Variants in MYH3 observed in about 807,000 individuals in gnomAD.
MYH3 encodes myosin-3.
MYH3 carries 130 observed loss-of-function variants against 238.0 expected under a neutral mutation model. That is an observed-to-expected ratio of 0.55 (90% confidence interval 0.47 to 0.63). The LOEUF (loss-of-function observed/expected upper bound fraction) is 0.63, where lower values mean the gene tolerates loss of function less well. Ranked by LOEUF, MYH3 falls within the 30% of genes least tolerant of loss-of-function variation. The pLI is 0.00. For synonymous variants in MYH3, 880 were observed against 924.1 expected, an observed-to-expected ratio of 0.95 and a Z score of 0.86; for missense variants, 1,853 against 2,374.9, an observed-to-expected ratio of 0.78 and a Z score of 4.57.
In MYH3 at chr17:10,639,370, G is replaced by T; in HGVS notation, c.3030C>A (p.Asp1010Glu). The T allele has an allele frequency of 6.2e-7, 1 of 1,614,080 alleles. No homozygotes were observed. ...LQEAHQQALD[D>E]LQAEEDKVNS... Reference sequence around the variant, plus strand: ...TGACTTTGTCTTCTTCAGCTTGGAGGTCATCCAAGGCCTGCTGGTGCGCCT... The same window carrying T: ...TGACTTTGTCTTCTTCAGCTTGGAGTTCATCCAAGGCCTGCTGGTGCGCCT... Residue 1010 changes from aspartate to glutamate, a missense_variant, in exon 24 of 41, where the codon GAC (aspartate) becomes GAA (glutamate). Asp to Glu is a conservative substitution (Grantham distance 45). Coordinates refer to ENST00000583535, the MANE Select transcript of MYH3 (RefSeq NM_002470.4).
chr17:10,652,175 C>T (rs1014820651), intron 4 of MYH3: 8 of 575,220 alleles, frequency 1.4e-5, no homozygotes, highest in East Asian at 1.0e-4. Flanking sequence ...CACAGCACCC[C>T]GTGACCAAGC....
intron 40 of MYH3, 151 bp from the exon 41 acceptor site, chr17:10,628,830 T>A: frequency 2.4e-6 from 2 of 821,576 alleles, no homozygotes; most frequent in African/African-American, 3.4e-5. Flanking sequence ...ATTGCACACA[T>A]GAAGTCACCC....
the MYH3 span, among the ~76,000 whole-genome samples, chr17:10,666,835 C>T: frequency 6.6e-6 from 1 of 152,182 alleles, no homozygotes; most frequent in Middle Eastern, 3.4e-3. Context: ...GGGCCAACTT[C>T]CTTAATGCAT....
intron 5 of MYH3, 57 bp downstream of exon 5, chr17:10,651,455 C>T (rs764568737): frequency 1.5e-5 from 24 of 1,611,224 alleles, no homozygotes; most frequent in South Asian, 8.8e-5. Context: ...GGGCAACTGC[C>T]GCTCGCCTCA....
chr17:10,672,844 T>A, the MYH3 span: 495 of 152,334 alleles, frequency 3.2e-3, no homozygotes, highest in African/African-American at 0.011. Context: ...GTGGTTATTG[T>A]GAATTTAGTA....
the MYH3 span, among the ~76,000 whole-genome samples, chr17:10,666,920 TAAAC>T: frequency 2.6e-5 from 4 of 152,018 alleles, no homozygotes; most frequent in South Asian, 2.1e-4. Flanking sequence ...AAATGGCAAA[TAAAC>T]AAGCAGACGG....
At chr17:10,657,644 C>T (rs756536872), upstream of MYH3, among the ~76,000 whole-genome samples, 18 of 152,292 alleles carry the variant, frequency 1.2e-4, no homozygotes, top group African/African-American at 2.2e-4. Flanking sequence ...CTGAACGCGG[C>T]GTGAGCCCCT....
At position 10,628,574 on chromosome 17, in the gene MYH3, T is replaced by G; in HGVS notation, c.*79A>C. ...TTATTGCATGTGAAAAAGAGTCACA[T>G]GGACATTAAGTATCAATGGTCAGGA... On this transcript the variant is annotated 3_prime_UTR_variant, in exon 41 of 41. Transcript: ENST00000583535. 6.7e-7 allele frequency: 1 copy of G among 1,489,494 alleles called. No individual in the cohort carries two copies. 92.3% of individuals were successfully genotyped at this position (1,489,494 alleles called of 1,614,324 possible).
chr17:10,641,144 G>A lies in MYH3; in HGVS notation c.2106C>T (p.Gly702=), dbSNP rs56259391. 66,975 of 1,613,832 alleles carry A rather than the reference G, an allele frequency of 0.042. 1,896 individuals carry two copies. Among genetic ancestry groups the A allele is most frequent in the African/African-American group, 0.13 (9,689 of 74,980 alleles). Residue 702 remains glycine, a synonymous_variant, in exon 19 of 41, where the codon GGC becomes GGT. Transcript: ENST00000583535. The part of the protein sequence containing the change: ...HQLRCNGVLE[G]IRICRKGFPN... ...GGAACCCTTTCCTGCAGATGCGGAT[G>A]CCCTCCAGGACACCGTTACACCGCA...
the MYH3 span, among the ~76,000 whole-genome samples, chr17:10,669,501 A>T: frequency 6.8e-6 from 1 of 147,766 alleles, no homozygotes; most frequent in Non-Finnish European, 1.5e-5. Flanking sequence ...TGGGAGATGG[A>T]GGTTGTACTG....
rs1226789991 is a variant in MYH3, at chr17:10,654,658, A to G, written c.204+203T>C. ...AATTGTTTTAATCAGCCACAGCCAG[A>G]CTCTATTCCCACCCTGGAACCTGAG... is the stretch of plus-strand genomic sequence containing the variant. On this transcript the variant is annotated intron_variant, in intron 3 of 40. Transcript: ENST00000583535. This position sits in a 1 kb window ranked among gnomAD's most constrained non-coding sequence, Gnocchi z 4.5. 6.6e-6 allele frequency among the ~76,000 whole-genome samples: 1 copy of G among 152,006 alleles called. No homozygotes were observed. The highest frequency in any genetic ancestry group is 1.5e-5 in the Non-Finnish European group (1 of 67,998).
At chr17:10,643,020 T>C (rs765539288) in intron 14 of MYH3, 24 bp from the exon 15 acceptor site, 12 of 1,614,156 alleles carry the variant, frequency 7.4e-6, no homozygotes, top group South Asian at 5.5e-5. Context: ...ACAACATTCA[T>C]GTGAAAAGTT....
the MYH3 span, among the ~76,000 whole-genome samples, chr17:10,670,123 C>G: frequency 6.6e-6 from 1 of 152,084 alleles, no homozygotes; most frequent in Non-Finnish European, 1.5e-5. This position sits in a 1 kb window ranked among gnomAD's most constrained non-coding sequence, Gnocchi z 7.0. Context: ...AGTACATTAC[C>G]AACAACATTT....
chr17:10,630,897 A>T (rs2074150021), intron 36 of MYH3, among the ~76,000 whole-genome samples: 1 of 151,992 alleles, frequency 6.6e-6, no homozygotes, highest in African/African-American at 2.4e-5. Flanking sequence ...AACGGGTGAG[A>T]CTGTGATGAA....
At chr17:10,631,203 A>G (rs201595) in intron 36 of MYH3, among the ~76,000 whole-genome samples, 138,921 of 152,318 alleles carry the variant, frequency 0.91, 63,398 homozygotes, top group East Asian at 1. Context: ...TACAGGAACA[A>G]CAAAATCGCT....
chr17:10,647,573 T>A, intron 8 of MYH3, 147 bp from the exon 9 acceptor site: 1 of 863,914 alleles, frequency 1.2e-6, no homozygotes, highest in Non-Finnish European at 1.8e-6. Flanking sequence ...TGAGACGGAG[T>A]CTCGCTCTGT....
Position 10,641,035 on chromosome 17 carries a change from A to C in MYH3, c.2165+50T>G, listed in dbSNP as rs375940050. 3 of 1,357,288 alleles carry C rather than the reference A, an allele frequency of 2.2e-6. No homozygotes were observed. In the African/African-American group the frequency reaches 4.3e-5, roughly 19 times the overall value. 84.1% of individuals were successfully genotyped at this position (1,357,288 alleles called of 1,614,324 possible). A position where few individuals can be genotyped will look rare whatever the true frequency, so the allele number is the denominator to read the frequency against. ...CGAATCTTTCTCCCTCTCAAATTCC[A>C]GTGTTCGTACATCTCATCCCCAAGC... On this transcript the variant is annotated intron_variant, in intron 19 of 40. Transcript: ENST00000583535.
chr17:10,639,386 T>C lies in MYH3; in HGVS notation c.3014A>G (p.Gln1005Arg). ...REKKALQEAHQQALDDLQAEE... is the reference protein window; with the variant it reads ...REKKALQEAHRQALDDLQAEE... ...AGCTTGGAGGTCATCCAAGGCCTGC[T>C]GGTGCGCCTCTTGGAGGGCCTTCTT... The change falls in exon 24 of 41, where the codon CAG becomes CGG. Residue 1005 changes from glutamine (Q) to arginine (R), a missense_variant. Gln to Arg is a conservative substitution (Grantham distance 43, BLOSUM62 1). Around this residue, in one of 3 missense-constraint regions of MYH3, gnomAD observed 1,044 missense variants for 1,192.6 expected, o/e 0.88. Coordinates refer to ENST00000583535, the MANE Select transcript of MYH3 (RefSeq NM_002470.4). 6.2e-7 allele frequency: 1 copy of C among 1,614,220 alleles called. No individual in the cohort carries two copies. Among genetic ancestry groups the C allele is most frequent in the Non-Finnish European group, 8.5e-7 (1 of 1,180,030 alleles).
chr17:10,651,725 C>A, intron 4 of MYH3, 57 bp from the exon 5 acceptor site: 1 of 1,579,254 alleles, frequency 6.3e-7, no homozygotes, highest in Non-Finnish European at 8.6e-7. Context: ...ATGGAAAACC[C>A]CTTGCCTTTA....
Sources: allele counts gnomAD v4.1 joint callset (sites outside exome capture counted in the v4.1 genomes callset), GRCh38; gene constraint gnomAD v4.1.1; regional missense constraint gnomAD v4.1.1; non-coding constraint Gnocchi (gnomAD v3.1); transcripts MANE v1.5; gene names NCBI Gene and HGNC (gene_info 2026-07-23, HGNC 2026-07-21).